Variants in SRGAP1 observed in about 807,000 individuals in gnomAD.
The protein encoded by SRGAP1 is SLIT-ROBO Rho GTPase-activating protein 1.
In SRGAP1, 43 loss-of-function variants were observed where a neutral mutation model predicts 121.9. The observed-to-expected ratio is 0.35, with a 90% CI of 0.28 to 0.46. The LOEUF is 0.46. SRGAP1 is among the 20% of genes least tolerant of loss of function. The probability of loss-of-function intolerance (pLI) is 1.00; values close to 1 mark genes in which losing one functional copy is unlikely to be tolerated. For synonymous variants in SRGAP1, 447 were observed against 485.4 expected (o/e 0.92, Z 1.04); for missense variants, 1,102 against 1,350.9 (o/e 0.82, Z 2.89).
intron 2 of SRGAP1, among the ~76,000 whole-genome samples, chr12:63,984,583 T>A (rs1485571423): frequency 6.6e-6 from 1 of 152,196 alleles, no homozygotes; most frequent in East Asian, 1.9e-4. Context: ...TTTATGGTCA[T>A]TGTAATTGAC....
rs776288998 is a variant in SRGAP1 at position 64,037,751 on chromosome 12, C to T, written c.490-5039C>T. The stretch of plus-strand genomic sequence containing the variant: ...CATCTTTCTAGCCTGGATGCCCTCC[C>T]TTCATCTGTGCCCATCAGAATATCA... On this transcript the variant is annotated intron_variant, in intron 4 of 21. Coordinates refer to ENST00000355086, the MANE Select transcript of SRGAP1 (RefSeq NM_020762.4). Among the ~76,000 whole-genome samples the T allele has an allele frequency of 9.7e-4, 148 of 152,190 alleles. 2 individuals are homozygous for T. The highest frequency in any genetic ancestry group is 2.2e-4 in the Non-Finnish European group (15 of 68,028).
chr12:63,964,633 TTTC>T (rs146300143), intron 1 of SRGAP1, among the ~76,000 whole-genome samples: 9,515 of 152,166 alleles, frequency 0.063, 736 homozygotes, highest in African/African-American at 0.19. Context: ...CACTGTGGGT[TTTC>T]TTCTTTGAAT....
chr12:63,847,098 G>A (rs1038552223), intron 1 of SRGAP1, among the ~76,000 whole-genome samples: 2 of 152,152 alleles, frequency 1.3e-5, no homozygotes, highest in African/African-American at 4.8e-5. Flanking sequence ...GGAGGCTGAG[G>A]CAGGCGGATC....
At chr12:63,934,887 A>G (rs2031611009) in intron 1 of SRGAP1, among the ~76,000 whole-genome samples, 1 of 152,178 alleles carries the variant, frequency 6.6e-6, no homozygotes, top group Non-Finnish European at 1.5e-5. Context: ...TAACTATTTT[A>G]ATCTAAACTC....
At chr12:64,118,179 G>A (rs2036551785) in intron 18 of SRGAP1, among the ~76,000 whole-genome samples, 1 of 152,190 alleles carries the variant, frequency 6.6e-6, no homozygotes, top group African/African-American at 2.4e-5. Flanking sequence ...GCTGTTTTCT[G>A]AAGCAGATGT....
chr12:63,901,478 T>A (rs2029924596), intron 1 of SRGAP1, among the ~76,000 whole-genome samples: 1 of 152,212 alleles, frequency 6.6e-6, no homozygotes, highest in Non-Finnish European at 1.5e-5. Flanking sequence ...CTACTTGTGC[T>A]TTAAAGCTGA....
rs6144742 is a variant in SRGAP1, at chr12:64,039,628, CGTGTGT to C, written c.490-3135_490-3130del. On this transcript the variant is annotated intron_variant, in intron 4 of 21. Coordinates refer to ENST00000355086, the MANE Select transcript of SRGAP1 (RefSeq NM_020762.4). The stretch of plus-strand genomic sequence containing the variant: ...AGCAAGAATACAGACAGCTGAGCAA[CGTGTGT>C]GTGTGTGTGTGTGTGTGTGTGTGTG... 1.6e-3 allele frequency among the ~76,000 whole-genome samples: 206 copies of C among 130,876 alleles called. 2 individuals carry two copies. The highest frequency in any genetic ancestry group is 2.4e-3 in the Non-Finnish European group (144 of 59,294). The allele number at this position is 130,876 out of a possible 152,430, so 85.9% of individuals were successfully genotyped here.
At position 63,864,144 on chromosome 12, in the gene SRGAP1, T is replaced by C. The variant is rs1429969563; in HGVS notation, c.67+19261T>C. On this transcript the variant is annotated intron_variant, in intron 1 of 21. Transcript: ENST00000355086. The stretch of plus-strand genomic sequence containing the variant: ...TTAATAGTATTCTCCACATACCTAA[T>C]CTATGAATAAGCATCTTCTTTGAAG... Among the ~76,000 whole-genome samples the C allele has an allele frequency of 2.0e-5, 3 of 152,206 alleles. No individual in the cohort carries two copies. In the East Asian group the frequency reaches 5.8e-4, roughly 29 times the overall value.
Position 64,094,942 on chromosome 12 carries a change from AG to A in SRGAP1, c.1552del (p.Val518LeufsTer63). ...CATCCCTTTACCCAGGACTCAGGAC[AG>A]GTTATTCCCCTCATTGTGGAAAGCT... ...DLETFVKDSG[Q>X]VIPLIVESCI... is the part of the protein sequence containing the mutation. On this transcript the variant is annotated frameshift_variant, in exon 13 of 22. Coordinates refer to ENST00000355086, the MANE Select transcript of SRGAP1 (RefSeq NM_020762.4). LOFTEE classifies it high-confidence loss of function. 1 of 1,614,160 alleles carries A rather than the reference AG, an allele frequency of 6.2e-7. No individual in the cohort carries two copies. Among genetic ancestry groups the A allele is most frequent in the African/African-American group, 1.3e-5 (1 of 75,066 alleles).
chr12:63,896,624 G>A (rs937606755), intron 1 of SRGAP1, among the ~76,000 whole-genome samples: 1 of 152,190 alleles, frequency 6.6e-6, no homozygotes, highest in South Asian at 2.1e-4. Context: ...CATTTAGCCA[G>A]TTACAATCAT....
chr12:64,095,168 G>C lies in SRGAP1; in HGVS notation c.1642G>C (p.Val548Leu). Residue 548 changes from valine to leucine, a missense_variant, in exon 14 of 22, where the codon GTG (valine) becomes CTG (leucine). Val to Leu is a conservative substitution (Grantham distance 32). Around this residue, in one of 3 missense-constraint regions of SRGAP1, gnomAD observed 747 missense variants for 929.4 expected, o/e 0.80. Transcript: ENST00000355086. Reference sequence around the variant, plus strand: ...GATTTTCAGAGTGTCTGGTTCCCAGGTGGAAGTCAATGATATTAAAAATTC... The same window carrying C: ...GATTTTCAGAGTGTCTGGTTCCCAGCTGGAAGTCAATGATATTAAAAATTC... The part of the protein sequence containing the change: ...QGIFRVSGSQ[V>L]EVNDIKNSFE... The C allele has an allele frequency of 1.9e-6, 3 of 1,614,090 alleles. No individual in the cohort carries two copies. The highest frequency in any genetic ancestry group is 2.5e-6 in the Non-Finnish European group (3 of 1,180,012).
intron 11 of SRGAP1, among the ~76,000 whole-genome samples, chr12:64,087,717 G>A (rs1238154381): frequency 1.3e-5 from 2 of 152,088 alleles, no homozygotes; most frequent in Non-Finnish European, 2.9e-5. Context: ...GCCTGGGCAA[G>A]AGCGAGACTC....
At chr12:63,875,257 T>C (rs879935151) in intron 1 of SRGAP1, among the ~76,000 whole-genome samples, 1 of 152,146 alleles carries the variant, frequency 6.6e-6, no homozygotes, top group Admixed American at 6.6e-5. Flanking sequence ...TGGCACATAA[T>C]AAGTGCTCAG....
At chr12:64,137,749 C>T (rs1038778670) in intron 21 of SRGAP1, among the ~76,000 whole-genome samples, 2 of 151,850 alleles carry the variant, frequency 1.3e-5, no homozygotes, top group Admixed American at 6.6e-5. Flanking sequence ...AAACAATAGC[C>T]GCAGCCTCAA....
chr12:64,064,257 TG>T (rs2035499580), intron 7 of SRGAP1, among the ~76,000 whole-genome samples: 1 of 152,200 alleles, frequency 6.6e-6, no homozygotes, highest in Non-Finnish European at 1.5e-5. Context: ...ATCTCTCTAA[TG>T]TTTTGGAAAC....
At chr12:63,887,863 C>T (rs930603959) in intron 1 of SRGAP1, 2 of 152,270 alleles carry the variant, frequency 1.3e-5, no homozygotes, top group Non-Finnish European at 2.9e-5. Context: ...GAACTTTCCT[C>T]TTCTTGTTCC....
rs116061877 is a variant in SRGAP1 at position 63,944,123 on chromosome 12, T to A, written c.68-39824T>A. ...ATTGGGGGCACATTGCCTCAGATTC[T>A]CATAACTCTTTTCGGGAAGGTGCTG... On this transcript the variant is annotated intron_variant, in intron 1 of 21. Coordinates refer to ENST00000355086, the MANE Select transcript of SRGAP1 (RefSeq NM_020762.4). Among the ~76,000 whole-genome samples the A allele has an allele frequency of 7.0e-3, 1,068 of 152,268 alleles. 11 individuals carry two copies. Among genetic ancestry groups the A allele is most frequent in the African/African-American group, 0.024 (983 of 41,550 alleles).
chr12:63,877,105 A>C (rs1900053610), intron 1 of SRGAP1, among the ~76,000 whole-genome samples: 1 of 152,172 alleles, frequency 6.6e-6, no homozygotes, highest in Non-Finnish European at 1.5e-5. Flanking sequence ...TGCGCCTGTA[A>C]TCTTAGCTAC....
chr12:63,952,670 AGTTTAT>A (rs2032336308), intron 1 of SRGAP1, among the ~76,000 whole-genome samples: 2 of 152,196 alleles, frequency 1.3e-5, no homozygotes, highest in Admixed American at 6.5e-5. Flanking sequence ...CCTCAGACAC[AGTTTAT>A]GTTTCATGGT....
Sources: gnomAD v4.1 joint callset for allele counts (sites outside exome capture counted in the v4.1 genomes callset) on GRCh38, gnomAD v4.1.1 for gene constraint, gnomAD v4.1.1 regional missense constraint, MANE v1.5 for transcripts, NCBI Gene and HGNC (gene_info 2026-07-23, HGNC 2026-07-21) for gene names.